The following ATPSCKMT variants were observed in gnomAD, a reference collection of about 807,000 sequenced individuals.
ATPSCKMT encodes ATP synthase c subunit lysine N-methyltransferase, also known as ATP synthase subunit C lysine N-methyltransferase.
In ATPSCKMT, 24 loss-of-function variants were observed where a neutral mutation model predicts 24.3. The ratio of observed to expected loss-of-function variants is 0.99; its 90% CI spans 0.71 to 1.39. The LOEUF is 1.39. ATPSCKMT is among the 40% of genes most tolerant of loss of function. The pLI is 0.00. For missense variants in ATPSCKMT, 311 were observed against 298.4 expected (o/e 1.04, Z -0.31); for synonymous variants, 95 against 110.5 (o/e 0.86, Z 0.88).
chr5:10,236,352 G>T, intron 3 of ATPSCKMT, 126 bp downstream of exon 3: 1 of 1,173,106 alleles, frequency 8.5e-7, no homozygotes, highest in Non-Finnish European at 1.2e-6. Context: ...ATTTCATTAT[G>T]CCAGAATATT....
rs758811151 is a variant in ATPSCKMT at position 10,227,512 on chromosome 5, C to T, written c.631G>A (p.Ala211Thr). The T allele has an allele frequency of 6.2e-7, 1 of 1,614,200 alleles. No homozygotes were observed. Among genetic ancestry groups the T allele is most frequent in the Non-Finnish European group, 8.5e-7 (1 of 1,180,052 alleles). Residue 211 changes from alanine to threonine, a missense_variant, in exon 5 of 5, where the codon GCA (alanine) becomes ACA (threonine). By Grantham distance (58) the Ala-to-Thr change is moderately conservative (BLOSUM62 0). Coordinates refer to ENST00000511437, the MANE Select transcript of ATPSCKMT (RefSeq NM_199133.4). ...EGIDTVWAYD[A>T]STFRGREKRP... ...TTTTCACGGCCTCTAAAAGTGCTTGCATCATATGCCCACACTGTGTCTATC... is the reference window on the plus strand; with the variant it reads ...TTTTCACGGCCTCTAAAAGTGCTTGTATCATATGCCCACACTGTGTCTATC...
At chr5:10,242,983 G>T (rs4701867) in intron 1 of ATPSCKMT, among the ~76,000 whole-genome samples, 140,118 of 152,284 alleles carry the variant, frequency 0.92, 64,667 homozygotes, top group Middle Eastern at 0.99. Context: ...CATCCAGGCT[G>T]TGTTGTTCCA....
At chr5:10,243,176 G>A (rs1744726686) in intron 1 of ATPSCKMT, among the ~76,000 whole-genome samples, 1 of 152,190 alleles carries the variant, frequency 6.6e-6, no homozygotes, top group African/African-American at 2.4e-5. Context: ...CCAATAGAAG[G>A]TTGTTTCATC....
intron 1 of ATPSCKMT, among the ~76,000 whole-genome samples, chr5:10,246,168 G>A (rs866373701): frequency 2.6e-5 from 4 of 151,910 alleles, no homozygotes; most frequent in Non-Finnish European, 4.4e-5. Flanking sequence ...AGTGGCTCAC[G>A]CCTGCAATCC....
At position 10,246,497 on chromosome 5, in the gene ATPSCKMT, G is replaced by A. The variant is rs941984201; in HGVS notation, c.16+3361C>T. Among the ~76,000 whole-genome samples, 8 of 152,204 alleles carry A rather than the reference G, an allele frequency of 5.3e-5. No individual in the cohort carries two copies. The South Asian group carries it at 1.7e-3, about 32-fold the overall frequency. On this transcript the variant is annotated intron_variant, in intron 1 of 4. Transcript: ENST00000511437. ...AGAATCCCCTATTCTGGACTTAAAG[G>A]AATGGAATTGTATAGTGTGTGGACT... is the stretch of plus-strand genomic sequence containing the variant.
Position 10,235,223 on chromosome 5 carries a change from A to G in ATPSCKMT, c.483T>C (p.Gly161=), listed in dbSNP as rs1398446915. The G allele has an allele frequency of 1.2e-6, 2 of 1,613,762 alleles. No individual in the cohort carries two copies. Among genetic ancestry groups the G allele is most frequent in the Non-Finnish European group, 1.7e-6 (2 of 1,179,802 alleles). Residue 161 remains glycine (G), a synonymous_variant, in exon 4 of 5, where the codon GGT becomes GGC. Transcript: ENST00000511437. ...FSQYSNVVIF[G]VPQMMLQLEK... ...AGTGCATACTCACCATCTGAGGCAC[A>G]CCGAAAATAACAACGTTCGAGTACT...
intron 2 of ATPSCKMT, chr5:10,236,834 T>C (rs897998408): frequency 6.8e-6 from 10 of 1,481,442 alleles, no homozygotes; most frequent in Non-Finnish European, 7.2e-6. Context: ...GTTAAAGACT[T>C]CACCTCAAGT....
chr5:10,248,721 G>A (rs1745089195), intron 1 of ATPSCKMT, among the ~76,000 whole-genome samples: 1 of 152,216 alleles, frequency 6.6e-6, no homozygotes, highest in Non-Finnish European at 1.5e-5. Flanking sequence ...TTCAGGACAG[G>A]GTCAAATGTT....
chr5:10,240,060 A>G lies in ATPSCKMT; in HGVS notation c.17-704T>C, dbSNP rs1327072155. Among the ~76,000 whole-genome samples, 17 of 114,276 alleles carry G rather than the reference A, an allele frequency of 1.5e-4. No homozygotes were observed. The East Asian group carries it at 4.4e-3, about 30-fold the overall frequency. 75.0% of individuals were successfully genotyped at this position (114,276 alleles called of 152,430 possible). A position where few individuals can be genotyped will look rare whatever the true frequency, so the allele number is the denominator to read the frequency against. On this transcript the variant is annotated intron_variant, in intron 1 of 4. Coordinates refer to ENST00000511437, the MANE Select transcript of ATPSCKMT (RefSeq NM_199133.4). ...GCTAACATGGTGAAACCCCATCTCTACTAAAAATACAAAAAAAAAAAAAAT... is the reference window on the plus strand; with the variant it reads ...GCTAACATGGTGAAACCCCATCTCTGCTAAAAATACAAAAAAAAAAAAAAT...
intron 1 of ATPSCKMT, among the ~76,000 whole-genome samples, chr5:10,244,920 A>G (rs929248193): frequency 2.0e-5 from 3 of 152,076 alleles, no homozygotes; most frequent in African/African-American, 7.2e-5. Context: ...AAAAAAAAAA[A>G]AAAAGAAAAG....
Position 10,226,347 on chromosome 5 carries a change from T to G in ATPSCKMT, c.*1094A>C, listed in dbSNP as rs1743875755. The G allele has an allele frequency of 6.6e-6, 1 of 152,222 alleles. No individual in the cohort carries two copies. Among genetic ancestry groups the G allele is most frequent in the Admixed American group, 6.5e-5 (1 of 15,286 alleles). The allele number at this position is 152,222 out of a possible 1,614,324, so 9.4% of individuals were successfully genotyped here. A position where few individuals can be genotyped will look rare whatever the true frequency, so the allele number is the denominator to read the frequency against. ...ATCAAACTGACCAATTTTTATAAGTTTAGTTAAAGATGTGACCATCTTACT... is the reference window on the plus strand; with the variant it reads ...ATCAAACTGACCAATTTTTATAAGTGTAGTTAAAGATGTGACCATCTTACT... On this transcript the variant is annotated 3_prime_UTR_variant, in exon 5 of 5. Transcript: ENST00000511437.
intron 1 of ATPSCKMT, among the ~76,000 whole-genome samples, chr5:10,241,651 A>G (rs1004082103): frequency 1.3e-5 from 2 of 152,244 alleles, no homozygotes; most frequent in African/African-American, 4.8e-5. Flanking sequence ...AAAGAAAATT[A>G]ACTTTAAGAA....
intron 1 of ATPSCKMT, 24 bp downstream of exon 1, chr5:10,249,834 C>A (rs761350309): frequency 1.3e-6 from 2 of 1,542,264 alleles, no homozygotes; most frequent in Non-Finnish European, 1.7e-6. Flanking sequence ...CCCCCAGGAA[C>A]CCGCCAAGCC....
intron 1 of ATPSCKMT, among the ~76,000 whole-genome samples, chr5:10,240,009 G>A (rs575274655): frequency 6.6e-6 from 1 of 151,296 alleles, no homozygotes; most frequent in African/African-American, 2.4e-5. Context: ...GGCCGATCAC[G>A]AGGTCAGGAC....
In ATPSCKMT at chr5:10,227,579, G is replaced by C. The variant is rs983800855; in HGVS notation, c.564C>G (p.Phe188Leu). Reference protein sequence around the residue: ...EDDARVIACRFPFPHWTPDHV... With the variant: ...EDDARVIACRLPFPHWTPDHV... ...GGTCTGGAGTCCAATGTGGGAAAGG[G>C]AACCGGCAAGCAATAACTCGTGCAT... Residue 188 changes from phenylalanine to leucine, a missense_variant, in exon 5 of 5, where the codon TTC becomes TTG. Coordinates refer to ENST00000511437, the MANE Select transcript of ATPSCKMT (RefSeq NM_199133.4). 1.2e-5 allele frequency: 20 copies of C among 1,614,096 alleles called. No individual in the cohort carries two copies. The highest frequency in any genetic ancestry group is 1.7e-5 in the Non-Finnish European group (20 of 1,180,044).
intron 1 of ATPSCKMT, among the ~76,000 whole-genome samples, chr5:10,244,921 A>AAG (rs1267746977): frequency 6.6e-6 from 1 of 151,924 alleles, no homozygotes; most frequent in Non-Finnish European, 1.5e-5. Context: ...AAAAAAAAAA[A>AAG]AAAGAAAAGT....
chr5:10,231,630 AC>A lies in ATPSCKMT; in HGVS notation c.495+3580del, dbSNP rs563939467. Among the ~76,000 whole-genome samples the A allele has an allele frequency of 2.3e-4, 33 of 141,466 alleles. No individual in the cohort carries two copies. In the South Asian group the frequency reaches 7.4e-3, roughly 32 times the overall value. The allele number at this position is 141,466 out of a possible 152,430, so 92.8% of individuals were successfully genotyped here. Reference sequence around the variant, plus strand: ...TTTGCAGGGATCCTGTCCCTGCCCCACCCCGCCCTTGCTTTGCTTTGCTCCA... The same window carrying A: ...TTTGCAGGGATCCTGTCCCTGCCCCACCCGCCCTTGCTTTGCTTTGCTCCA... On this transcript the variant is annotated intron_variant, in intron 4 of 4. Transcript: ENST00000511437.
rs1358820681 is a variant in ATPSCKMT, at chr5:10,236,629, C to T, written c.307-14G>A. ...AGCCGCTATGACCTGTGGAGAGAGG[C>T]AGGATTTATTCAAAATAAGAAGAAA... On this transcript the variant is annotated splice_polypyrimidine_tract_variant and intron_variant, in intron 2 of 4. Transcript: ENST00000511437. 4.4e-6 allele frequency: 7 copies of T among 1,608,132 alleles called. No homozygotes were observed. The highest frequency in any genetic ancestry group is 1.3e-5 in the African/African-American group (1 of 74,744).
rs1743844525 is a variant in ATPSCKMT at position 10,225,605 on chromosome 5, C to A, written c.*1836G>T. 6.6e-6 allele frequency among the ~76,000 whole-genome samples: 1 copy of A among 152,144 alleles called. No homozygotes were observed. Among genetic ancestry groups the A allele is most frequent in the Admixed American group, 6.5e-5 (1 of 15,284 alleles). On this transcript the variant is annotated 3_prime_UTR_variant, in exon 5 of 5. Coordinates refer to ENST00000511437, the MANE Select transcript of ATPSCKMT (RefSeq NM_199133.4). ...CAAAAAGAGCTTGTGCAGGAAAACT[C>A]CCCCCTAAAATAACCATCAGATCTC...
Sources: gnomAD v4.1 joint callset for allele counts (sites outside exome capture counted in the v4.1 genomes callset) on GRCh38, gnomAD v4.1.1 for gene constraint, MANE v1.5 for transcripts, NCBI Gene and HGNC (gene_info 2026-07-23, HGNC 2026-07-21) for gene names.